The following ZBTB20 variants were observed in gnomAD, a reference collection of about 807,000 sequenced individuals.
ZBTB20 encodes the protein zinc finger and BTB domain containing 20.
Under a neutral mutation model 56.9 loss-of-function variants are expected in ZBTB20, and 9 were observed. The ratio of observed to expected loss-of-function variants is 0.16; its 90% CI spans 0.10 to 0.28. ZBTB20 has a LOEUF of 0.28. ZBTB20 is among the 10% of genes least tolerant of loss of function. The pLI, the probability that ZBTB20 is intolerant of heterozygous loss-of-function variation, is 1.00. For missense variants in ZBTB20, 655 were observed against 1,003.0 expected, an observed-to-expected ratio of 0.65 and a Z score of 4.69; for synonymous variants, 417 against 420.7, an observed-to-expected ratio of 0.99 and a Z score of 0.11.
chr3:115,131,021 A>C (rs368442291), intron 1 of ZBTB20, among the ~76,000 whole-genome samples: 35 of 152,340 alleles, frequency 2.3e-4, no homozygotes, highest in African/African-American at 7.9e-4. Context: ...TCGGCCTCCC[A>C]AAGTTCTGGG....
intron 6 of ZBTB20, among the ~76,000 whole-genome samples, chr3:114,640,668 T>G (rs2059511564): frequency 6.6e-6 from 1 of 152,104 alleles, no homozygotes; most frequent in South Asian, 2.1e-4. Context: ...ACCCTGTATA[T>G]AAGCTTTAAA....
At chr3:114,589,313 T>C (rs1431976372) in intron 6 of ZBTB20, among the ~76,000 whole-genome samples, 1 of 152,182 alleles carries the variant, frequency 6.6e-6, no homozygotes, top group Non-Finnish European at 1.5e-5. Flanking sequence ...GGGTTTAGAT[T>C]GTCCTGCCTT....
At chr3:114,953,255 T>C (rs2077134928) in intron 3 of ZBTB20, among the ~76,000 whole-genome samples, 1 of 151,674 alleles carries the variant, frequency 6.6e-6, no homozygotes, top group African/African-American at 2.4e-5. Context: ...TAAATTTAAA[T>C]TGAATGCTAA....
intron 4 of ZBTB20, among the ~76,000 whole-genome samples, chr3:114,809,988 CCT>C (rs2072398711): frequency 6.6e-6 from 1 of 152,132 alleles, no homozygotes; most frequent in Non-Finnish European, 1.5e-5. Flanking sequence ...GGGACTTTCC[CCT>C]GTGTTAACAC....
intron 5 of ZBTB20, among the ~76,000 whole-genome samples, chr3:114,748,352 T>TCTCTCTCTCTC (rs374192570): frequency 2.5e-4 from 12 of 48,648 alleles, no homozygotes; most frequent in Middle Eastern, 8.6e-3. Context: ...TTTCTTTCTT[T>TCTCTCTCTCTC]TCTCTCTCTC....
At chr3:114,952,096 G>T (rs2077085503) in intron 3 of ZBTB20, among the ~76,000 whole-genome samples, 1 of 152,036 alleles carries the variant, frequency 6.6e-6, no homozygotes, top group Admixed American at 6.6e-5. Flanking sequence ...TAGCATTCAT[G>T]TCATTATATT....
chr3:114,758,598 T>G (rs997126290), intron 5 of ZBTB20, among the ~76,000 whole-genome samples: 3 of 152,196 alleles, frequency 2.0e-5, no homozygotes, highest in Non-Finnish European at 2.9e-5. Context: ...GTGATAATTT[T>G]ACACATATAT....
At chr3:114,458,574 T>C (rs1470877613) in intron 7 of ZBTB20, among the ~76,000 whole-genome samples, 1 of 152,164 alleles carries the variant, frequency 6.6e-6, no homozygotes, top group Non-Finnish European at 1.5e-5. Flanking sequence ...CTGATTTTCT[T>C]ACACTATGTA....
intron 9 of ZBTB20, 46 bp downstream of exon 9, chr3:114,380,731 T>A (rs1487318891): frequency 6.8e-7 from 1 of 1,478,672 alleles, no homozygotes; most frequent in Non-Finnish European, 8.9e-7. Context: ...TCTTCCCCCC[T>A]TAGGAGTTTT....
chr3:115,041,688 A>G (rs1451506437), intron 2 of ZBTB20, among the ~76,000 whole-genome samples: 1 of 152,216 alleles, frequency 6.6e-6, no homozygotes, highest in East Asian at 1.9e-4. Flanking sequence ...GGTTGATAAT[A>G]TGTTAACAAG....
At chr3:114,656,299 A>C (rs2060403056) in intron 6 of ZBTB20, among the ~76,000 whole-genome samples, 1 of 152,162 alleles carries the variant, frequency 6.6e-6, no homozygotes, top group African/African-American at 2.4e-5. Context: ...TTTTCTCAGC[A>C]AATTTTGGAC....
At chr3:114,712,496 A>T (rs1037442862) in intron 5 of ZBTB20, among the ~76,000 whole-genome samples, 3 of 151,288 alleles carry the variant, frequency 2.0e-5, no homozygotes, top group African/African-American at 4.9e-5. Context: ...ACTAAAAATT[A>T]AAAAAAATTA....
At chr3:114,500,514 T>C (rs1267472561) in intron 6 of ZBTB20, 123 bp from the exon 7 acceptor site, 5 of 152,220 alleles carry the variant, frequency 3.3e-5, no homozygotes, top group African/African-American at 1.2e-4. Flanking sequence ...ATGGGACTGG[T>C]TGTTCCTAAA....
intron 2 of ZBTB20, among the ~76,000 whole-genome samples, chr3:114,976,952 T>G (rs2078126598): frequency 6.6e-6 from 1 of 152,064 alleles, no homozygotes; most frequent in African/African-American, 2.4e-5. Context: ...ATCTTTCGTA[T>G]ACCTGAATCA....
intron 2 of ZBTB20, among the ~76,000 whole-genome samples, chr3:115,003,815 T>G (rs2079355338): frequency 6.6e-6 from 1 of 151,698 alleles, no homozygotes; most frequent in Admixed American, 6.6e-5. Flanking sequence ...TTTTACTTAC[T>G]GTGAACAATC....
chr3:114,573,589 A>AAAAAG lies in ZBTB20; in HGVS notation c.-294-73203_-294-73199dup, dbSNP rs960974123. 3.3e-5 allele frequency among the ~76,000 whole-genome samples: 5 copies of AAAAAG among 151,804 alleles called. No individual in the cohort carries two copies. The East Asian group carries it at 9.6e-4, about 29-fold the overall frequency. ...AGAAAAAAGAGAAAAAGGAAAAAGA[A>AAAAAG]AAAAGAAAAGAAAAGAAAAGAAAAA... On this transcript the variant is annotated intron_variant, in intron 6 of 11. Coordinates refer to ENST00000675478, the MANE Select transcript of ZBTB20 (RefSeq NM_001348800.3).
At chr3:114,794,310 A>G (rs898715246) in intron 5 of ZBTB20, among the ~76,000 whole-genome samples, 19 of 152,044 alleles carry the variant, frequency 1.2e-4, no homozygotes, top group African/African-American at 3.9e-4. Flanking sequence ...AGGTTTGTAC[A>G]TAGACTCATC....
chr3:114,852,091 T>C (rs2075028756), intron 4 of ZBTB20, among the ~76,000 whole-genome samples: 1 of 152,020 alleles, frequency 6.6e-6, no homozygotes, highest in Non-Finnish European at 1.5e-5. Context: ...TTCTTCTCCT[T>C]CCTCTCCCAG....
chr3:114,914,869 T>C (rs950968668), intron 3 of ZBTB20, among the ~76,000 whole-genome samples: 2 of 151,936 alleles, frequency 1.3e-5, no homozygotes, highest in Non-Finnish European at 2.9e-5. Context: ...TGTGGTATTA[T>C]ATTGATTGAT....
Sources: allele counts gnomAD v4.1 joint callset (sites outside exome capture counted in the v4.1 genomes callset), GRCh38; gene constraint gnomAD v4.1.1; transcripts MANE v1.5; gene names NCBI Gene and HGNC (gene_info 2026-07-23, HGNC 2026-07-21).